The following CDC42BPB variants were observed in gnomAD, a reference collection of about 807,000 sequenced individuals.
The protein encoded by CDC42BPB is serine/threonine-protein kinase MRCK beta.
Under a neutral mutation model 214.9 loss-of-function variants are expected in CDC42BPB, and 37 were observed. That is an observed-to-expected ratio of 0.17 (90% CI 0.13 to 0.23). The LOEUF (loss-of-function observed/expected upper bound fraction) is 0.23, where lower values mean the gene tolerates loss of function less well. Among genes scored for constraint, CDC42BPB ranks in the 10% least tolerant of loss-of-function variants. CDC42BPB has a pLI of 1.00. For synonymous variants in CDC42BPB, 931 were observed against 884.0 expected (o/e 1.05, Z -0.94); for missense variants, 1,694 against 2,227.0 (o/e 0.76, Z 4.82).
At chr14:102,970,026 G>C (rs1893403349) in intron 14 of CDC42BPB, 125 bp downstream of exon 14, 1 of 724,392 alleles carries the variant, frequency 1.4e-6, no homozygotes. Context: ...TGTGGGTCTT[G>C]TCTGAACAGC....
intron 34 of CDC42BPB, 85 bp downstream of exon 34, chr14:102,939,525 T>G: frequency 1.0e-6 from 1 of 979,316 alleles, no homozygotes; most frequent in Non-Finnish European, 1.6e-6. Context: ...GCACTGCCTT[T>G]GGGACAGTCT....
chr14:103,057,387 T>C lies in CDC42BPB; in HGVS notation c.-214A>G. 4.4e-6 allele frequency: 4 copies of C among 910,992 alleles called. No homozygotes were observed. Among genetic ancestry groups the C allele is most frequent in the African/African-American group, 1.8e-5 (1 of 55,168 alleles). The allele number at this position is 910,992 out of a possible 1,614,324, so 56.4% of individuals were successfully genotyped here. A position where few individuals can be genotyped will look rare whatever the true frequency, so the allele number is the denominator to read the frequency against. ...TGGGGCGCCGGGCCCCGCGGGTCCA[T>C]GGGCCGCTCTCCTCCCCTCGGCGCC... On this transcript the variant is annotated 5_prime_UTR_variant, in exon 1 of 37. The change abolishes an upstream ATG in the 5' untranslated region. Coordinates refer to ENST00000361246, the MANE Select transcript of CDC42BPB (RefSeq NM_006035.4).
Position 102,954,275 on chromosome 14 carries a change from C to T in CDC42BPB, c.2989G>A (p.Asp997Asn). The change falls in exon 23 of 37, where the codon GAC (aspartate) becomes AAC (asparagine). Residue 997 changes from aspartate (D) to asparagine (N), a missense_variant and splice_region_variant. This residue lies in a region of CDC42BPB where 156 missense variants were observed against 154.5 expected (regional missense o/e 1.01). Transcript: ENST00000361246. ...MSVAASEQQE[D>N]MARPPQRPSA... is the part of the protein sequence containing the mutation. Reference sequence around the variant, plus strand: ...GGCCTCTGCGGGGGCCGAGCCATGTCCTGGGAGACAAGCAGGACAGGTGAG... The same window carrying T: ...GGCCTCTGCGGGGGCCGAGCCATGTTCTGGGAGACAAGCAGGACAGGTGAG... The T allele has an allele frequency of 1.3e-6, 2 of 1,525,504 alleles. No homozygotes were observed. The highest frequency in any genetic ancestry group is 1.8e-6 in the Non-Finnish European group (2 of 1,139,016). 94.5% of individuals were successfully genotyped at this position (1,525,504 alleles called of 1,614,324 possible).
chr14:102,948,590 GGAGGTGGGGTGGGTGCA>G lies in CDC42BPB; in HGVS notation c.3450-805_3450-789del, dbSNP rs1473865726. Among the ~76,000 whole-genome samples the G allele has an allele frequency of 1.5e-4, 8 of 54,374 alleles. 1 individual carries two copies. Among genetic ancestry groups the G allele is most frequent in the African/African-American group, 4.1e-4 (5 of 12,162 alleles). 35.7% of individuals were successfully genotyped at this position (54,374 alleles called of 152,430 possible). On this transcript the variant is annotated intron_variant, in intron 26 of 36. Transcript: ENST00000361246. ...GGAGATGAGGGGGTGGGGTGGGTGC[GGAGGTGGGGTGGGTGCA>G]GAGGTGGGGGGGTGGCTGTGGAGAG... is the stretch of plus-strand genomic sequence containing the variant.
At position 103,034,889 on chromosome 14, in the gene CDC42BPB, C is replaced by T. The variant is rs140072472; in HGVS notation, c.175+22110G>A. Among the ~76,000 whole-genome samples, 905 of 151,776 alleles carry T rather than the reference C, an allele frequency of 6.0e-3. 11 individuals carry two copies. The highest frequency in any genetic ancestry group is 0.021 in the African/African-American group (870 of 41,420). On this transcript the variant is annotated intron_variant, in intron 1 of 36. Coordinates refer to ENST00000361246, the MANE Select transcript of CDC42BPB (RefSeq NM_006035.4). ...GAAATGGATACTAATTCAGAATAGC[C>T]TGGATTTTTAAAGTTTCTTTCCTTA...
intron 13 of CDC42BPB, 58 bp from the exon 14 acceptor site, chr14:102,970,319 C>G: frequency 1.3e-6 from 2 of 1,550,532 alleles, no homozygotes; most frequent in Non-Finnish European, 1.7e-6. Context: ...TCACCAGTTA[C>G]AGCAGCACCC....
chr14:102,963,713 A>G (rs1214473631), intron 19 of CDC42BPB, among the ~76,000 whole-genome samples: 2 of 152,236 alleles, frequency 1.3e-5, no homozygotes, highest in Non-Finnish European at 2.9e-5. Flanking sequence ...AAGTGGGAGT[A>G]ACAAGACTGC....
intron 14 of CDC42BPB, 40 bp downstream of exon 14, chr14:102,970,111 T>TCCCTCTCAGTTAAGGGCAGAGACC: frequency 1.4e-6 from 2 of 1,481,226 alleles, no homozygotes; most frequent in South Asian, 1.2e-5. Flanking sequence ...AAGATAAGCA[T>TCCCTCTCAGTTAAGGGCAGAGACC]CCCTCTCAGT....
rs1566876354 is a variant in CDC42BPB, at chr14:102,978,217, C to T, written c.1141-12G>A. 1 of 1,609,018 alleles carries T rather than the reference C, an allele frequency of 6.2e-7. No homozygotes were observed. ...GGAGGTAATATTTCCTGCATAAGAA[C>T]ATATACAACACAAATGAAATCTACA... On this transcript the variant is annotated splice_polypyrimidine_tract_variant and intron_variant, in intron 8 of 36. Transcript: ENST00000361246.
intron 1 of CDC42BPB, among the ~76,000 whole-genome samples, chr14:103,027,370 G>A (rs1366081795): frequency 6.6e-6 from 1 of 152,144 alleles, no homozygotes; most frequent in African/African-American, 2.4e-5. Flanking sequence ...CACACTGCAT[G>A]TTTACTAAGA....
Position 102,977,947 on chromosome 14 carries a change from C to T in CDC42BPB, c.1220+179G>A, listed in dbSNP as rs554782174. Among the ~76,000 whole-genome samples the T allele has an allele frequency of 1.2e-4, 19 of 152,298 alleles. No homozygotes were observed. The East Asian group carries it at 2.1e-3, about 17-fold the overall frequency. On this transcript the variant is annotated intron_variant, in intron 9 of 36. Coordinates refer to ENST00000361246, the MANE Select transcript of CDC42BPB (RefSeq NM_006035.4). ...AGCCTGCAACCTTGCTATGGTATCA[C>T]CTGTAGTCATCAGGTGTGCATATTT...
At position 102,975,944 on chromosome 14, in the gene CDC42BPB, A is replaced by C. The variant is rs777204952; in HGVS notation, c.1326T>G (p.Ala442=). The C allele has an allele frequency of 1.4e-5, 23 of 1,614,174 alleles. No individual in the cohort carries two copies. The highest frequency in any genetic ancestry group is 1.9e-5 in the Non-Finnish European group (23 of 1,180,012). Reference sequence around the variant, plus strand: ...CCAGCCTCCGAATCCTCCTCTCGTAAGCTTCCATCTGCAGGCTGTGCTCCA... The same window carrying C: ...CCAGCCTCCGAATCCTCCTCTCGTACGCTTCCATCTGCAGGCTGTGCTCCA... The part of the protein sequence containing the change: ...RDLEHSLQME[A]YERRIRRLEQ... The change falls in exon 10 of 37, where the codon GCT becomes GCG. Residue 442 remains alanine (A), a synonymous_variant. Transcript: ENST00000361246.
chr14:102,950,461 C>T lies in CDC42BPB; in HGVS notation c.3309+5G>A. Reference sequence around the variant, plus strand: ...AGGGCTGAGGGCGGAGATGAAGCCGCCTACCTTGACATGGCCTTTGTAGGC... The same window carrying T: ...AGGGCTGAGGGCGGAGATGAAGCCGTCTACCTTGACATGGCCTTTGTAGGC... On this transcript the variant is annotated splice_donor_5th_base_variant and intron_variant, in intron 25 of 36. Coordinates refer to ENST00000361246, the MANE Select transcript of CDC42BPB (RefSeq NM_006035.4). The T allele has an allele frequency of 2.5e-6, 4 of 1,612,758 alleles. No homozygotes were observed. Among genetic ancestry groups the T allele is most frequent in the Non-Finnish European group, 3.4e-6 (4 of 1,179,932 alleles).
intron 1 of CDC42BPB, among the ~76,000 whole-genome samples, chr14:103,053,621 G>A (rs2139795694): frequency 6.6e-6 from 1 of 151,454 alleles, no homozygotes; most frequent in East Asian, 2.0e-4. Context: ...AATTAGCCAG[G>A]CGTGATGGCG....
chr14:102,944,756 G>T lies in CDC42BPB; in HGVS notation c.3812-269C>A. 1 of 750,422 alleles carries T rather than the reference G, an allele frequency of 1.3e-6. No homozygotes were observed. The highest frequency in any genetic ancestry group is 1.6e-6 in the Non-Finnish European group (1 of 615,574). 46.5% of individuals were successfully genotyped at this position (750,422 alleles called of 1,614,324 possible). A position where few individuals can be genotyped will look rare whatever the true frequency, so the allele number is the denominator to read the frequency against. On this transcript the variant is annotated intron_variant, in intron 29 of 36. Coordinates refer to ENST00000361246, the MANE Select transcript of CDC42BPB (RefSeq NM_006035.4). This position sits in a 1 kb window ranked among gnomAD's most constrained non-coding sequence, Gnocchi z 6.6. ...CAAAGGCTCCTCTGCCTCTGCTGCTGTGCACACCCCTCAGTGCACCAGGGC... is the reference window on the plus strand; with the variant it reads ...CAAAGGCTCCTCTGCCTCTGCTGCTTTGCACACCCCTCAGTGCACCAGGGC...
intron 1 of CDC42BPB, 88 bp downstream of exon 1, chr14:103,056,911 C>T: frequency 2.5e-6 from 2 of 786,808 alleles, no homozygotes; most frequent in Non-Finnish European, 3.2e-6. Context: ...AGGGTCTGTC[C>T]GGGCGGGGAT....
Position 102,944,507 on chromosome 14 carries a change from A to G in CDC42BPB, c.3812-20T>C, listed in dbSNP as rs762444100. On this transcript the variant is annotated intron_variant, in intron 29 of 36. Coordinates refer to ENST00000361246, the MANE Select transcript of CDC42BPB (RefSeq NM_006035.4). The surrounding 1 kb of genome is among the most constrained non-coding windows in gnomAD (Gnocchi z 6.6). The stretch of plus-strand genomic sequence containing the variant: ...CGATCACTGTGGCAAGGAGGACAAG[A>G]GCGTGAGGCCGACGGGACAGCCAGC... 120 of 1,598,078 alleles carry G rather than the reference A, an allele frequency of 7.5e-5. No homozygotes were observed. Among genetic ancestry groups the G allele is most frequent in the Non-Finnish European group, 7.9e-5 (92 of 1,170,110 alleles).
At chr14:102,949,649 A>C in intron 26 of CDC42BPB, 116 bp downstream of exon 26, 3 of 1,350,546 alleles carry the variant, frequency 2.2e-6, no homozygotes, top group Non-Finnish European at 2.1e-6. Context: ...CCATACAATA[A>C]TGAAGCAGGT....
chr14:103,052,699 C>A (rs1394677383), intron 1 of CDC42BPB, among the ~76,000 whole-genome samples: 1 of 152,180 alleles, frequency 6.6e-6, no homozygotes, highest in Non-Finnish European at 1.5e-5. Context: ...GATGCCCGGA[C>A]TGGGGACTGG....
Sources: gnomAD v4.1 joint callset for allele counts (sites outside exome capture counted in the v4.1 genomes callset) on GRCh38, gnomAD v4.1.1 for gene constraint, gnomAD v4.1.1 regional missense constraint, Gnocchi (gnomAD v3.1) non-coding constraint, MANE v1.5 for transcripts, NCBI Gene and HGNC (gene_info 2026-07-23, HGNC 2026-07-21) for gene names.